FHIT: variants seen among roughly 807,000 people sequenced by gnomAD.
FHIT encodes fragile histidine triad diadenosine triphosphatase, also known as bis(5'-adenosyl)-triphosphatase.
A neutral mutation model predicts 17.9 loss-of-function variants in FHIT; 19 were observed. The observed-to-expected ratio is 1.06, with a 90% CI of 0.74 to 1.56. The LOEUF is 1.56. Among genes scored for constraint, FHIT ranks in the 40% most tolerant of loss-of-function variants. FHIT has a pLI of 0.00. For missense variants in FHIT, 248 were observed against 189.2 expected, an observed-to-expected ratio of 1.31 and a Z score of -1.82; for synonymous variants, 81 against 69.7, an observed-to-expected ratio of 1.16 and a Z score of -0.81.
intron 5 of FHIT, among the ~76,000 whole-genome samples, chr3:60,257,245 G>A (rs564567170): frequency 9.9e-5 from 15 of 152,256 alleles, no homozygotes; most frequent in African/African-American, 3.4e-4. Flanking sequence ...TGCTGAAAAT[G>A]TTCTTCTAAC....
chr3:60,575,259 G>A (rs1323837675), intron 4 of FHIT, among the ~76,000 whole-genome samples: 4 of 152,176 alleles, frequency 2.6e-5, no homozygotes, highest in African/African-American at 9.7e-5. Context: ...CAAAAACAGG[G>A]CTGAGAAAGG....
At chr3:60,450,271 G>C (rs1237725440) in intron 5 of FHIT, among the ~76,000 whole-genome samples, 2 of 151,754 alleles carry the variant, frequency 1.3e-5, no homozygotes, top group African/African-American at 2.4e-5. Context: ...GTCAACACTG[G>C]GCAATAGGAA....
At chr3:60,965,015 C>T (rs1166464443) in intron 3 of FHIT, among the ~76,000 whole-genome samples, 1 of 152,178 alleles carries the variant, frequency 6.6e-6, no homozygotes, top group African/African-American at 2.4e-5. Context: ...GGATAATATC[C>T]TGCAGAGTGT....
chr3:60,791,074 G>A (rs1034886408), intron 4 of FHIT, among the ~76,000 whole-genome samples: 2 of 152,122 alleles, frequency 1.3e-5, no homozygotes, highest in African/African-American at 2.4e-5. Flanking sequence ...GAGCCCTAGT[G>A]GTCCTTTGCT....
At chr3:60,188,195 G>C (rs1448312943) in intron 5 of FHIT, among the ~76,000 whole-genome samples, 1 of 137,848 alleles carries the variant, frequency 7.3e-6, no homozygotes, top group Non-Finnish European at 1.5e-5. Flanking sequence ...CAGGGATCTT[G>C]ACAGTTTCTT....
At chr3:60,145,636 CA>C (rs1700208342) in intron 5 of FHIT, among the ~76,000 whole-genome samples, 2 of 152,212 alleles carry the variant, frequency 1.3e-5, no homozygotes, top group Admixed American at 1.3e-4. Context: ...TGCAAAGTAA[CA>C]AAATAGATGG....
chr3:59,933,845 A>C (rs1237659568), intron 7 of FHIT, among the ~76,000 whole-genome samples: 3 of 152,198 alleles, frequency 2.0e-5, no homozygotes, highest in Non-Finnish European at 4.4e-5. Context: ...TGCAGATAGC[A>C]GGGGAAAAAC....
At chr3:60,784,544 C>A (rs1353053411) in intron 4 of FHIT, among the ~76,000 whole-genome samples, 12 of 152,118 alleles carry the variant, frequency 7.9e-5, no homozygotes, top group African/African-American at 2.7e-4. Context: ...CCATGTTGGC[C>A]AGGCTGATCT....
chr3:60,212,436 C>T (rs1037626365), intron 5 of FHIT, among the ~76,000 whole-genome samples: 1 of 152,110 alleles, frequency 6.6e-6, no homozygotes, highest in Non-Finnish European at 1.5e-5. Flanking sequence ...CCTCAAAGCA[C>T]CAGAAGACTC....
At chr3:60,674,610 T>C (rs550196968) in intron 4 of FHIT, among the ~76,000 whole-genome samples, 42 of 152,348 alleles carry the variant, frequency 2.8e-4, no homozygotes, top group African/African-American at 9.9e-4. Flanking sequence ...AGTTCAAATT[T>C]GTCCTTAGTT....
Position 60,316,912 on chromosome 3 carries a change from G to A in FHIT, c.103+219948C>T, listed in dbSNP as rs563637962. Among the ~76,000 whole-genome samples, 13 of 152,296 alleles carry A rather than the reference G, an allele frequency of 8.5e-5. No individual in the cohort carries two copies. In the East Asian group the frequency reaches 2.3e-3, roughly 27 times the overall value. ...GATTACCTGCAGAGCTTGTTAAATAGAGCGATCCTGTAGTCCTTTCCTAAT... is the reference window on the plus strand; with the variant it reads ...GATTACCTGCAGAGCTTGTTAAATAAAGCGATCCTGTAGTCCTTTCCTAAT... On this transcript the variant is annotated intron_variant, in intron 5 of 9. Transcript: ENST00000492590.
intron 4 of FHIT, among the ~76,000 whole-genome samples, chr3:60,602,687 T>C (rs2038483447): frequency 6.6e-6 from 1 of 152,138 alleles, no homozygotes; most frequent in Non-Finnish European, 1.5e-5. Flanking sequence ...GAGGATGTTA[T>C]GAGCCTGTGC....
intron 5 of FHIT, among the ~76,000 whole-genome samples, chr3:60,279,675 C>A (rs1707336995): frequency 6.6e-6 from 1 of 152,094 alleles, no homozygotes; most frequent in African/African-American, 2.4e-5. Context: ...TCAACAAAAT[C>A]TTAGCAAATC....
intron 4 of FHIT, among the ~76,000 whole-genome samples, chr3:60,651,902 C>T (rs1445592342): frequency 6.6e-6 from 1 of 152,100 alleles, no homozygotes; most frequent in African/African-American, 2.4e-5. Context: ...ACTGCCTTTC[C>T]CACCCAAAAT....
chr3:59,974,261 A>G (rs1294836026), intron 7 of FHIT, among the ~76,000 whole-genome samples: 2 of 152,170 alleles, frequency 1.3e-5, no homozygotes, highest in Non-Finnish European at 1.5e-5. Context: ...ATAAAAGAAA[A>G]GCCGTGTTCT....
intron 4 of FHIT, among the ~76,000 whole-genome samples, chr3:60,720,115 C>G (rs1177701860): frequency 1.3e-5 from 2 of 152,180 alleles, no homozygotes; most frequent in Non-Finnish European, 2.9e-5. Flanking sequence ...TGATGCTCCA[C>G]CTGGTTTCCT....
chr3:61,211,194 G>C (rs761157142), intron 1 of FHIT, among the ~76,000 whole-genome samples: 1 of 151,836 alleles, frequency 6.6e-6, no homozygotes, highest in Non-Finnish European at 1.5e-5. Context: ...GCCGAAGCAG[G>C]GTGAGGCATT....
At chr3:61,095,889 A>G (rs997230427) in intron 2 of FHIT, among the ~76,000 whole-genome samples, 1 of 152,194 alleles carries the variant, frequency 6.6e-6, no homozygotes, top group Non-Finnish European at 1.5e-5. Context: ...AGAGAAGTTC[A>G]TTACAAGAAA....
intron 4 of FHIT, among the ~76,000 whole-genome samples, chr3:60,544,580 A>G (rs2036298259): frequency 6.7e-6 from 1 of 149,002 alleles, no homozygotes; most frequent in African/African-American, 2.5e-5. Flanking sequence ...GAAGTTGGCC[A>G]ATAATTTCTC....
Sources: allele counts gnomAD v4.1 joint callset (sites outside exome capture counted in the v4.1 genomes callset), GRCh38; gene constraint gnomAD v4.1.1; transcripts MANE v1.5; gene names NCBI Gene and HGNC (gene_info 2026-07-23, HGNC 2026-07-21).